Variants in COL17A1 observed in about 807,000 individuals in gnomAD.
COL17A1 encodes collagen alpha-1(XVII) chain.
COL17A1 carries 181 observed loss-of-function variants against 218.4 expected under a neutral mutation model. The ratio of observed to expected loss-of-function variants is 0.83; its 90% CI spans 0.73 to 0.94. The LOEUF is 0.94. Ranked by LOEUF, COL17A1 falls within the 40% of genes least tolerant of loss-of-function variation. COL17A1 has a pLI of 0.00. For synonymous variants in COL17A1, 721 were observed against 731.0 expected (o/e 0.99, Z 0.22); for missense variants, 1,924 against 1,945.9 (o/e 0.99, Z 0.21).
chr10:104,072,024 C>A lies in COL17A1; in HGVS notation c.463+8G>T. The A allele has an allele frequency of 3.7e-6, 6 of 1,614,108 alleles. No homozygotes were observed. The highest frequency in any genetic ancestry group is 5.1e-6 in the Non-Finnish European group (6 of 1,180,022). Reference sequence around the variant, plus strand: ...CCCTTTCTTTTCAGCAAGATCATGACCACTTACATCGGGTGGATGGGGACG... The same window carrying A: ...CCCTTTCTTTTCAGCAAGATCATGAACACTTACATCGGGTGGATGGGGACG... On this transcript the variant is annotated splice_region_variant and intron_variant, in intron 8 of 55. Coordinates refer to ENST00000648076, the MANE Select transcript of COL17A1 (RefSeq NM_000494.4).
chr10:104,033,892 G>A (rs1044502975), intron 52 of COL17A1, 53 bp downstream of exon 52: 1 of 1,612,248 alleles, frequency 6.2e-7, no homozygotes. Context: ...CCAGTCTGGA[G>A]ATGCTCCCAC....
chr10:104,039,858 T>A, intron 41 of COL17A1, 115 bp downstream of exon 41: 1 of 1,445,578 alleles, frequency 6.9e-7, no homozygotes, highest in African/African-American at 1.4e-5. Flanking sequence ...AACACTGCTC[T>A]ACTCTTGCTT....
At chr10:104,075,858 A>T (rs2086705758) in intron 5 of COL17A1, among the ~76,000 whole-genome samples, 1 of 152,230 alleles carries the variant, frequency 6.6e-6, no homozygotes, top group South Asian at 2.1e-4. Context: ...CTTACTCGTC[A>T]TGAGGACCTC....
chr10:104,058,109 G>A lies in COL17A1; in HGVS notation c.1267+37C>T, dbSNP rs372045937. The A allele has an allele frequency of 1.9e-5, 30 of 1,613,640 alleles. No homozygotes were observed. In the African/African-American group the frequency reaches 4.0e-4, roughly 22 times the overall value. On this transcript the variant is annotated intron_variant, in intron 16 of 55. Coordinates refer to ENST00000648076, the MANE Select transcript of COL17A1 (RefSeq NM_000494.4). ...TCCATTAGCCATAAGCAGCCCCACT[G>A]GATCCTGTCACTGCAGGGTTCGCGG...
intron 45 of COL17A1, among the ~76,000 whole-genome samples, chr10:104,038,057 T>C (rs1250825121): frequency 1.3e-5 from 2 of 152,112 alleles, no homozygotes; most frequent in Admixed American, 6.5e-5. Flanking sequence ...CAAGGTGTGG[T>C]GTGAAAGCAT....
chr10:104,055,630 C>T (rs1167559314), intron 18 of COL17A1, 152 bp downstream of exon 18: 15 of 1,240,820 alleles, frequency 1.2e-5, no homozygotes, highest in Non-Finnish European at 1.5e-5. Flanking sequence ...CTTGGTCCCA[C>T]CTACCTCTCA....
Position 104,071,947 on chromosome 10 carries a change from C to T in COL17A1, c.463+85G>A, listed in dbSNP as rs2086672796. ...ACATGTGTGTGCATGCATGCACACACACACGCATGCACACACACACACACA... is the reference window on the plus strand; with the variant it reads ...ACATGTGTGTGCATGCATGCACACATACACGCATGCACACACACACACACA... On this transcript the variant is annotated intron_variant, in intron 8 of 55. Coordinates refer to ENST00000648076, the MANE Select transcript of COL17A1 (RefSeq NM_000494.4). The T allele has an allele frequency of 2.5e-6, 4 of 1,574,290 alleles. No individual in the cohort carries two copies. In the African/African-American group the frequency reaches 4.1e-5, roughly 16 times the overall value.
Position 104,072,034 on chromosome 10 carries a change from C to A in COL17A1, c.461G>T (p.Arg154Leu), listed in dbSNP as rs758518969. The change falls in exon 8 of 56, where the codon CGA becomes CTA. Residue 154 changes from arginine (R) to leucine (L), a missense_variant and splice_region_variant. Physicochemically the swap from Arg to Leu is moderately radical, Grantham distance 102. Coordinates refer to ENST00000648076, the MANE Select transcript of COL17A1 (RefSeq NM_000494.4). Reference sequence around the variant, plus strand: ...TCAGCAAGATCATGACCACTTACATCGGGTGGATGGGGACGCACTCTGCAG... The same window carrying A: ...TCAGCAAGATCATGACCACTTACATAGGGTGGATGGGGACGCACTCTGCAG... The part of the protein sequence containing the change: ...VRLQSASPST[R>L]WTELDDVKRL... 1.2e-6 allele frequency: 2 copies of A among 1,614,112 alleles called. No homozygotes were observed. Among genetic ancestry groups the A allele is most frequent in the Non-Finnish European group, 1.7e-6 (2 of 1,180,024 alleles).
At position 104,033,611 on chromosome 10, in the gene COL17A1, G is replaced by A. The variant is rs2181833; in HGVS notation, c.4157-236C>T. ...CTGCGTAACTGTGCCGTTAAGCTGC[G>A]CGGGGAAAGGACTCTTAGCCAACAT... On this transcript the variant is annotated intron_variant, in intron 52 of 55. Coordinates refer to ENST00000648076, the MANE Select transcript of COL17A1 (RefSeq NM_000494.4). Among the ~76,000 whole-genome samples, 105,722 of 152,168 alleles carry A rather than the reference G, an allele frequency of 0.69. 38,752 individuals carry two copies. The highest frequency in any genetic ancestry group is 0.86 in the East Asian group (4,448 of 5,184).
At chr10:104,052,854 G>A (rs527852886) in intron 23 of COL17A1, among the ~76,000 whole-genome samples, 177 bp downstream of exon 23, 1 of 152,196 alleles carries the variant, frequency 6.6e-6, no homozygotes, top group Non-Finnish European at 1.5e-5. Context: ...TGGCCCTGTA[G>A]CCCAGCCTAT....
chr10:104,033,640 T>C (rs1234078086), intron 52 of COL17A1, among the ~76,000 whole-genome samples: 1 of 152,152 alleles, frequency 6.6e-6, no homozygotes, highest in East Asian at 1.9e-4. Context: ...CCAACATCCT[T>C]CTCTCGGCCC....
At chr10:104,075,354 T>C (rs1399895686) in intron 5 of COL17A1, among the ~76,000 whole-genome samples, 1 of 152,124 alleles carries the variant, frequency 6.6e-6, no homozygotes, top group East Asian at 1.9e-4. Flanking sequence ...GAGTCATCCA[T>C]CTAATTCCCT....
In COL17A1 at chr10:104,031,957, CAAG is replaced by C. The variant is rs1168621416; in HGVS notation, c.*275_*277del. 1 of 521,942 alleles carries C rather than the reference CAAG, an allele frequency of 1.9e-6. No individual in the cohort carries two copies. Among genetic ancestry groups the C allele is most frequent in the Middle Eastern group, 5.2e-4 (1 of 1,940 alleles). 32.3% of individuals were successfully genotyped at this position (521,942 alleles called of 1,614,324 possible). On this transcript the variant is annotated 3_prime_UTR_variant, in exon 56 of 56. Transcript: ENST00000648076. Reference sequence around the variant, plus strand: ...TGGGGCTTGAACTAAGTAAAGAAGCCAAGGAGTTCAGATCTAGATAGCAGAGAA... The same window carrying C: ...TGGGGCTTGAACTAAGTAAAGAAGCCGAGTTCAGATCTAGATAGCAGAGAA...
At chr10:104,070,985 T>A (rs1173387668) in intron 8 of COL17A1, among the ~76,000 whole-genome samples, 2 of 152,218 alleles carry the variant, frequency 1.3e-5, no homozygotes, top group Admixed American at 1.3e-4. Flanking sequence ...CTTGACCTTG[T>A]ATGCCTGGGG....
chr10:104,057,692 G>GTTT, intron 16 of COL17A1, among the ~76,000 whole-genome samples: 1 of 151,788 alleles, frequency 6.6e-6, no homozygotes. Context: ...TTAAAACAAT[G>GTTT]TTTTTTGTAA....
chr10:104,043,994 A>G, intron 33 of COL17A1, 134 bp from the exon 34 acceptor site: 2 of 974,426 alleles, frequency 2.1e-6, no homozygotes, highest in Non-Finnish European at 3.3e-6. Context: ...AGGCATTTTA[A>G]TGAACTGAAG....
At position 104,053,998 on chromosome 10, in the gene COL17A1, G is replaced by T; in HGVS notation, c.1772-16C>A. 6.2e-7 allele frequency: 1 copy of T among 1,612,340 alleles called. No individual in the cohort carries two copies. Among genetic ancestry groups the T allele is most frequent in the Non-Finnish European group, 8.5e-7 (1 of 1,178,356 alleles). ...CCAGGGATACCTGTGAACACACAAGGATATCTCAGCCCCTGTTTTCCTCCC... is the reference window on the plus strand; with the variant it reads ...CCAGGGATACCTGTGAACACACAAGTATATCTCAGCCCCTGTTTTCCTCCC... On this transcript the variant is annotated splice_polypyrimidine_tract_variant and intron_variant, in intron 21 of 55. Coordinates refer to ENST00000648076, the MANE Select transcript of COL17A1 (RefSeq NM_000494.4).
In COL17A1 at chr10:104,045,793, C is replaced by T. The variant is rs1346057559; in HGVS notation, c.2363G>A (p.Gly788Glu). The change falls in exon 33 of 56, where the codon GGA (glycine) becomes GAA (glutamate). Residue 788 changes from glycine (G) to glutamate (E), a missense_variant and splice_region_variant. By Grantham distance (98) the Gly-to-Glu change is moderately conservative (BLOSUM62 -2). Transcript: ENST00000648076. ...PGLTGPQGPQ[G>E]LPGTPGRPGI... ...TGGTCGGCCAGGGGTACCGGGAAGT[C>T]CTGATGTGATTAGAACAAGTAGTCA... The T allele has an allele frequency of 3.7e-6, 6 of 1,612,314 alleles. No individual in the cohort carries two copies. Among genetic ancestry groups the T allele is most frequent in the Non-Finnish European group, 5.1e-6 (6 of 1,178,306 alleles).
At chr10:104,059,233 C>G (rs560712604) in intron 15 of COL17A1, 1 of 282,984 alleles carries the variant, frequency 3.5e-6, no homozygotes, top group Middle Eastern at 1.3e-3. Context: ...TGGAGAGATT[C>G]CTATAGGGCA....
Sources: gnomAD v4.1 joint callset for allele counts (sites outside exome capture counted in the v4.1 genomes callset) on GRCh38, gnomAD v4.1.1 for gene constraint, MANE v1.5 for transcripts, NCBI Gene and HGNC (gene_info 2026-07-23, HGNC 2026-07-21) for gene names.